The following TENM3 variants were observed in gnomAD, a reference collection of about 807,000 sequenced individuals.
TENM3 encodes the protein teneurin-3.
In TENM3, 63 loss-of-function variants were observed where a neutral mutation model predicts 255.1. The ratio of observed to expected loss-of-function variants is 0.25; its 90% CI spans 0.20 to 0.30. The LOEUF (loss-of-function observed/expected upper bound fraction) is 0.30. TENM3 is among the 10% of genes least tolerant of loss of function. The pLI is 1.00. For synonymous variants in TENM3, 1,306 were observed against 1,322.3 expected (o/e 0.99, Z 0.27); for missense variants, 2,929 against 3,461.1 (o/e 0.85, Z 3.86).
the TENM3 span, among the ~76,000 whole-genome samples, chr4:182,080,818 C>G: frequency 5.9e-4 from 84 of 141,910 alleles, no homozygotes; most frequent in East Asian, 0.013. Context: ...ATAGGGAGAC[C>G]CCGCCTTTAT....
chr4:182,621,729 AAATATAT>A (rs369871054), intron 4 of TENM3, among the ~76,000 whole-genome samples: 51,164 of 83,792 alleles, frequency 0.61, 14,736 homozygotes, highest in Admixed American at 0.75. Flanking sequence ...ATTATATATA[AAATATAT>A]AATATATAAT....
chr4:181,866,790 G>A, the TENM3 span, among the ~76,000 whole-genome samples: 1 of 151,992 alleles, frequency 6.6e-6, no homozygotes, highest in African/African-American at 2.4e-5. Context: ...TAAAACTTTC[G>A]TCACTTGTCT....
intron 4 of TENM3, among the ~76,000 whole-genome samples, chr4:182,611,108 G>A (rs1748960515): frequency 6.6e-6 from 1 of 151,930 alleles, no homozygotes; most frequent in Non-Finnish European, 1.5e-5. Flanking sequence ...TGACTAGTTA[G>A]TGGCAATACT....
intron 7 of TENM3, among the ~76,000 whole-genome samples, chr4:182,679,370 G>A (rs947695404): frequency 6.6e-6 from 1 of 152,136 alleles, no homozygotes; most frequent in Non-Finnish European, 1.5e-5. Context: ...TCCCCAAACT[G>A]CCTAAACTCA....
intron 12 of TENM3, among the ~76,000 whole-genome samples, chr4:182,704,334 C>T (rs1167599805): frequency 2.0e-5 from 3 of 152,184 alleles, no homozygotes; most frequent in Non-Finnish European, 4.4e-5. Context: ...CTGCCTTCTG[C>T]ACCTTGAGTG....
At chr4:181,534,060 A>G in the TENM3 span, among the ~76,000 whole-genome samples, 4 of 152,206 alleles carry the variant, frequency 2.6e-5, no homozygotes, top group Non-Finnish European at 5.9e-5. Flanking sequence ...TTGTAACTTG[A>G]AAACAAAATT....
At chr4:181,878,004 C>T in the TENM3 span, among the ~76,000 whole-genome samples, 24 of 152,192 alleles carry the variant, frequency 1.6e-4, no homozygotes, top group Middle Eastern at 3.4e-3. Context: ...ATGCACATTG[C>T]GGTGTTACTA....
intron 2 of TENM3, among the ~76,000 whole-genome samples, chr4:182,343,568 T>C (rs1336801651): frequency 6.6e-6 from 1 of 152,136 alleles, no homozygotes; most frequent in Non-Finnish European, 1.5e-5. Context: ...AGCTGCCTTG[T>C]CCTGCCTCTT....
At chr4:182,785,018 GTC>G (rs1377130349) in intron 24 of TENM3, among the ~76,000 whole-genome samples, 1 of 152,152 alleles carries the variant, frequency 6.6e-6, no homozygotes, top group Non-Finnish European at 1.5e-5. Context: ...CGTCTTCGGC[GTC>G]TCTCATGCTG....
At chr4:181,641,660 C>T in the TENM3 span, among the ~76,000 whole-genome samples, 4 of 59,966 alleles carry the variant, frequency 6.7e-5, no homozygotes, top group Admixed American at 4.8e-4. Flanking sequence ...ATATATATAC[C>T]ATGGAATATA....
chr4:181,639,265 T>C, the TENM3 span, among the ~76,000 whole-genome samples: 9 of 152,148 alleles, frequency 5.9e-5, no homozygotes, highest in Non-Finnish European at 1.0e-4. Flanking sequence ...TCATGGCATA[T>C]TGACTTAAGA....
At chr4:182,359,032 C>T (rs1390204117) in intron 3 of TENM3, among the ~76,000 whole-genome samples, 4 of 151,134 alleles carry the variant, frequency 2.6e-5, no homozygotes, top group Non-Finnish European at 4.4e-5. Context: ...TATTGATTTG[C>T]ATATATTGAA....
chr4:182,118,419 G>T, the TENM3 span, among the ~76,000 whole-genome samples: 23 of 151,950 alleles, frequency 1.5e-4, no homozygotes, highest in African/African-American at 5.3e-4. Flanking sequence ...AGCTGTAGGG[G>T]TTTTTTTGTA....
chr4:182,004,912 T>A, the TENM3 span, among the ~76,000 whole-genome samples: 2 of 152,140 alleles, frequency 1.3e-5, no homozygotes, highest in African/African-American at 2.4e-5. Context: ...CCCTTCTTGA[T>A]GGGGTTGTTT....
the TENM3 span, among the ~76,000 whole-genome samples, chr4:182,066,892 C>A: frequency 6.6e-6 from 1 of 152,128 alleles, no homozygotes; most frequent in Non-Finnish European, 1.5e-5. Context: ...GCCTGGGCGA[C>A]AGAGCGAGAC....
the TENM3 span, among the ~76,000 whole-genome samples, chr4:181,916,791 C>A: frequency 6.6e-6 from 1 of 152,002 alleles, no homozygotes; most frequent in South Asian, 2.1e-4. Context: ...ACAGGAGAAT[C>A]GTTTGAACCT....
the TENM3 span, among the ~76,000 whole-genome samples, chr4:181,925,749 C>A: frequency 2.1e-4 from 32 of 152,336 alleles, no homozygotes; most frequent in African/African-American, 7.5e-4. Context: ...ACACATCCAG[C>A]ATCTCCTTTT....
chr4:181,711,713 T>C, the TENM3 span, among the ~76,000 whole-genome samples: 221 of 152,296 alleles, frequency 1.5e-3, 2 homozygotes, highest in Middle Eastern at 0.01. Context: ...GAAGGCAATA[T>C]TGTTAAGTTT....
At chr4:182,376,450 C>T (rs1767184820) in intron 3 of TENM3, among the ~76,000 whole-genome samples, 1 of 152,174 alleles carries the variant, frequency 6.6e-6, no homozygotes, top group Non-Finnish European at 1.5e-5. Flanking sequence ...AAATATCTAC[C>T]TGACTGCATT....
Sources: allele counts gnomAD v4.1 joint callset (sites outside exome capture counted in the v4.1 genomes callset), GRCh38; gene constraint gnomAD v4.1.1; transcripts MANE v1.5; gene names NCBI Gene and HGNC (gene_info 2026-07-23, HGNC 2026-07-21).